The following CDH13 variants were observed in gnomAD, a reference collection of about 807,000 sequenced individuals.
CDH13 encodes the protein cadherin-13.
A neutral mutation model predicts 63.8 loss-of-function variants in CDH13; 24 were observed. That is an observed-to-expected ratio of 0.38 (90% CI 0.27 to 0.53). CDH13 has a LOEUF of 0.53. Ranked by LOEUF, CDH13 falls within the 20% of genes least tolerant of loss-of-function variation. The pLI is 0.85. For missense variants in CDH13, 1,049 were observed against 903.1 expected (o/e 1.16, Z -2.07); for synonymous variants, 503 against 355.3 (o/e 1.42, Z -4.67).
intron 6 of CDH13, 47 bp from the exon 7 acceptor site, chr16:83,486,430 T>A: frequency 9.0e-6 from 14 of 1,562,572 alleles, no homozygotes; most frequent in Non-Finnish European, 1.2e-5. Flanking sequence ...CTGGCCGTTG[T>A]TGACCCATTG....
chr16:82,745,708 G>A (rs566544295), intron 1 of CDH13, among the ~76,000 whole-genome samples: 44 of 152,116 alleles, frequency 2.9e-4, no homozygotes, highest in African/African-American at 1.0e-3. Context: ...TTATGTTATT[G>A]TCTCTTTTCA....
At chr16:83,155,679 G>C (rs947951329) in intron 4 of CDH13, among the ~76,000 whole-genome samples, 1 of 152,180 alleles carries the variant, frequency 6.6e-6, no homozygotes, top group Non-Finnish European at 1.5e-5. Context: ...TCCTAGGCTA[G>C]ATATGGAAGA....
intron 7 of CDH13, among the ~76,000 whole-genome samples, chr16:83,542,936 A>G (rs2075320570): frequency 6.6e-6 from 1 of 152,330 alleles, no homozygotes; most frequent in African/African-American, 2.4e-5. Flanking sequence ...GGCTAAGACA[A>G]TCAACATAAG....
At chr16:83,000,684 A>G (rs1014689517) in intron 2 of CDH13, among the ~76,000 whole-genome samples, 4 of 144,420 alleles carry the variant, frequency 2.8e-5, no homozygotes, top group African/African-American at 5.2e-5. Flanking sequence ...GGTTCACGCC[A>G]TTCTCCTGCC....
At chr16:83,780,904 C>G (rs954378481) in intron 12 of CDH13, among the ~76,000 whole-genome samples, 8 of 152,174 alleles carry the variant, frequency 5.3e-5, no homozygotes, top group Non-Finnish European at 1.5e-5. Flanking sequence ...ATTGGAGAGG[C>G]TTTTCGTGGT....
intron 4 of CDH13, among the ~76,000 whole-genome samples, chr16:83,165,437 T>G (rs2037624142): frequency 6.6e-6 from 1 of 152,118 alleles, no homozygotes; most frequent in Non-Finnish European, 1.5e-5. Context: ...ACCCTTTTTA[T>G]TATGCAAAAC....
At chr16:82,840,600 G>A (rs550485719) in intron 1 of CDH13, among the ~76,000 whole-genome samples, 83 of 148,482 alleles carry the variant, frequency 5.6e-4, no homozygotes, top group African/African-American at 1.7e-3. Flanking sequence ...CAGGAGAATC[G>A]CTTAAACTAG....
At chr16:83,713,387 C>T (rs145833097) in intron 10 of CDH13, among the ~76,000 whole-genome samples, 51 of 152,126 alleles carry the variant, frequency 3.4e-4, no homozygotes, top group African/African-American at 1.1e-3. Flanking sequence ...TTGACAAAGC[C>T]ACACTGGTTT....
At chr16:83,655,865 AG>A (rs1162689865) in intron 8 of CDH13, among the ~76,000 whole-genome samples, 3 of 152,188 alleles carry the variant, frequency 2.0e-5, no homozygotes, top group Admixed American at 6.5e-5. Flanking sequence ...AGAAAGTGGC[AG>A]GGGGGAAAAC....
intron 1 of CDH13, among the ~76,000 whole-genome samples, chr16:82,855,478 G>A (rs965715795): frequency 6.6e-6 from 1 of 152,222 alleles, no homozygotes; most frequent in African/African-American, 2.4e-5. Flanking sequence ...GGCACTGGGT[G>A]TATGGAGGAG....
At chr16:83,617,740 A>G (rs1233101376) in intron 8 of CDH13, among the ~76,000 whole-genome samples, 1 of 151,780 alleles carries the variant, frequency 6.6e-6, no homozygotes, top group East Asian at 1.9e-4. Flanking sequence ...CTATTCTAAT[A>G]TGCACATATC....
chr16:83,143,741 A>T lies in CDH13; in HGVS notation c.483+18240A>T, dbSNP rs571999902. Among the ~76,000 whole-genome samples, 5 of 152,234 alleles carry T rather than the reference A, an allele frequency of 3.3e-5. No individual in the cohort carries two copies. In the South Asian group the frequency reaches 6.2e-4, roughly 19 times the overall value. On this transcript the variant is annotated intron_variant, in intron 4 of 13. Transcript: ENST00000567109. ...TGCTCTTCTATACAACCTGCTCTGC[A>T]TCCTCTTGAGTGCTTTTTAAACTTC...
At chr16:83,391,657 A>C (rs893325034) in intron 6 of CDH13, among the ~76,000 whole-genome samples, 19 of 152,306 alleles carry the variant, frequency 1.2e-4, no homozygotes, top group African/African-American at 4.6e-4. Context: ...GTATCCTCAC[A>C]CAGGGTCACC....
chr16:83,486,420 C>T, intron 6 of CDH13, 57 bp from the exon 7 acceptor site: 1 of 1,508,016 alleles, frequency 6.6e-7, no homozygotes, highest in Non-Finnish European at 9.1e-7. Context: ...GGAAGGGGCT[C>T]TGGCCGTTGT....
At chr16:82,838,910 C>T (rs2038885675) in intron 1 of CDH13, among the ~76,000 whole-genome samples, 1 of 152,188 alleles carries the variant, frequency 6.6e-6, no homozygotes, top group South Asian at 2.1e-4. Flanking sequence ...TGCAAACTTT[C>T]TCAAAGAGCC....
rs1411481568 is a variant in CDH13 at position 83,023,006 on chromosome 16, T to A, written c.158-9004T>A. On this transcript the variant is annotated intron_variant, in intron 2 of 13. Transcript: ENST00000567109. Reference sequence around the variant, plus strand: ...AGAGCTTAATTTTCTCCCTTATCCATTTTTAGATGGTAGGAAATCTATGCC... The same window carrying A: ...AGAGCTTAATTTTCTCCCTTATCCAATTTTAGATGGTAGGAAATCTATGCC... The A allele has an allele frequency of 2.6e-5, 4 of 152,200 alleles. No individual in the cohort carries two copies. In the East Asian group the frequency reaches 7.7e-4, roughly 29 times the overall value. The allele number at this position is 152,200 out of a possible 1,614,324, so 9.4% of individuals were successfully genotyped here. A position where few individuals can be genotyped will look rare whatever the true frequency, so the allele number is the denominator to read the frequency against.
chr16:83,263,555 G>GATATAA (rs1327403900), intron 5 of CDH13, among the ~76,000 whole-genome samples: 6 of 152,124 alleles, frequency 3.9e-5, no homozygotes, highest in African/African-American at 1.4e-4. Flanking sequence ...ACCGCCCACT[G>GATATAA]AATGGTTTGA....
At chr16:82,979,439 T>C (rs907660328) in intron 2 of CDH13, among the ~76,000 whole-genome samples, 7 of 152,050 alleles carry the variant, frequency 4.6e-5, no homozygotes, top group African/African-American at 1.7e-4. Flanking sequence ...CTACATGTGG[T>C]GGGAGGGACG....
chr16:83,606,502 C>T (rs1179290381), intron 8 of CDH13, among the ~76,000 whole-genome samples: 2 of 151,730 alleles, frequency 1.3e-5, no homozygotes, highest in Non-Finnish European at 2.9e-5. Flanking sequence ...CTTTGGGTGG[C>T]GGAAGTGGGA....
Sources: allele counts gnomAD v4.1 joint callset (sites outside exome capture counted in the v4.1 genomes callset), GRCh38; gene constraint gnomAD v4.1.1; transcripts MANE v1.5; gene names NCBI Gene and HGNC (gene_info 2026-07-23, HGNC 2026-07-21).